The following EIF4G1 variants were observed in gnomAD, a reference collection of about 807,000 sequenced individuals.
EIF4G1 encodes EIF4-gamma.
EIF4G1 carries 4 observed loss-of-function variants against 187.8 expected under a neutral mutation model. The observed-to-expected ratio is 0.02, with a 90% CI of 0.01 to 0.05. The LOEUF (loss-of-function observed/expected upper bound fraction) is 0.05. EIF4G1 is among the 10% of genes least tolerant of loss of function. The pLI, the probability that EIF4G1 is intolerant of heterozygous loss-of-function variation, is 1.00. For missense variants in EIF4G1, 1,647 were observed against 2,081.1 expected, an observed-to-expected ratio of 0.79 and a Z score of 4.06; for synonymous variants, 844 against 781.4, an observed-to-expected ratio of 1.08 and a Z score of -1.34.
intron 6 of EIF4G1, among the ~76,000 whole-genome samples, chr3:184,319,467 TTGTGTGTGTG>T (rs756906987): frequency 8.9e-5 from 1 of 11,264 alleles, no homozygotes; most frequent in Non-Finnish European, 1.7e-4. Context: ...GTGTGTGTGT[TTGTGTGTGTG>T]TGTGTGTTAG....
At position 184,321,870 on chromosome 3, in the gene EIF4G1, C is replaced by G; in HGVS notation, c.1286C>G (p.Thr429Arg). ...SEPEEQAKEV[T>R]ASMAPPTIPS... ...CCAGAGGAGCAGGCCAAGGAGGTGACAGCATCAATGGCGCCCCCCACCATC... is the reference window on the plus strand; with the variant it reads ...CCAGAGGAGCAGGCCAAGGAGGTGAGAGCATCAATGGCGCCCCCCACCATC... The change falls in exon 10 of 33, where the codon ACA (threonine) becomes AGA (arginine). Residue 429 changes from threonine (T) to arginine (R), a missense_variant. By Grantham distance (71) the Thr-to-Arg change is moderately conservative (BLOSUM62 -1). Transcript: ENST00000346169. The G allele has an allele frequency of 6.2e-7, 1 of 1,614,092 alleles. No homozygotes were observed.
chr3:184,321,579 G>C lies in EIF4G1; in HGVS notation c.995G>C (p.Ser332Thr). Reference sequence around the variant, plus strand: ...ATACTGGAAGTAGAAGTGACACTTAGCAAACCGGTTCCAGAATCTGAGTTT... The same window carrying C: ...ATACTGGAAGTAGAAGTGACACTTACCAAACCGGTTCCAGAATCTGAGTTT... ...EPILEVEVTL[S>T]KPVPESEFSS... The change falls in exon 10 of 33, where the codon AGC (serine) becomes ACC (threonine). Residue 332 changes from serine (S) to threonine (T), a missense_variant. Around this residue, in one of 11 missense-constraint regions of EIF4G1, gnomAD observed 522 missense variants for 485.2 expected, o/e 1.08. Coordinates refer to ENST00000346169, the MANE Select transcript of EIF4G1 (RefSeq NM_198241.3). 6.2e-7 allele frequency: 1 copy of C among 1,614,142 alleles called. No homozygotes were observed.
At chr3:184,318,099 T>G (rs1488834112) in intron 6 of EIF4G1, among the ~76,000 whole-genome samples, 1 of 152,188 alleles carries the variant, frequency 6.6e-6, no homozygotes, top group Non-Finnish European at 1.5e-5. Context: ...GTGACACTTC[T>G]TCCATGGTTG....
Position 184,322,436 on chromosome 3 carries a change from G to C in EIF4G1, c.1594G>C (p.Asp532His), listed in dbSNP as rs1361781449. The change falls in exon 11 of 33, where the codon GAT (aspartate) becomes CAT (histidine). Residue 532 changes from aspartate (D) to histidine (H), a missense_variant. Transcript: ENST00000346169. ...NKKEAVGDLL[D>H]AFKEANPAVP... ...GAAGGAGGCTGTTGGAGACCTTCTG[G>C]ATGCCTTCAAGGAGGTAAGGGAGCA... 1.2e-6 allele frequency: 2 copies of C among 1,614,174 alleles called. No individual in the cohort carries two copies. The highest frequency in any genetic ancestry group is 1.1e-5 in the South Asian group (1 of 91,084).
intron 6 of EIF4G1, 126 bp downstream of exon 6, chr3:184,317,942 G>A (rs1360684500): frequency 1.2e-5 from 9 of 744,860 alleles, no homozygotes; most frequent in Non-Finnish European, 2.1e-5. Flanking sequence ...AAGGTTAATA[G>A]GTGGTAGGGA....
chr3:184,327,524 C>T (rs1250814705), intron 24 of EIF4G1, 62 bp from the exon 25 acceptor site: 1 of 1,612,190 alleles, frequency 6.2e-7, no homozygotes, highest in African/African-American at 1.3e-5. Context: ...TTTTTGAGAG[C>T]TCCAAATCTT....
chr3:184,322,006 T>A lies in EIF4G1; in HGVS notation c.1422T>A (p.Ala474=). 5.0e-6 allele frequency: 8 copies of A among 1,613,794 alleles called. No individual in the cohort carries two copies. The highest frequency in any genetic ancestry group is 1.1e-5 in the South Asian group (1 of 91,066). Residue 474 remains alanine (A), a synonymous_variant, in exon 10 of 33, where the codon GCT becomes GCA. Coordinates refer to ENST00000346169, the MANE Select transcript of EIF4G1 (RefSeq NM_198241.3). ...GAGAAGCAGGAGAAGCAGGAGAAGC[T>A]GAGAGTGAGAAAGGAGGAGAGGAAC... ...EEGEAGEAGE[A]ESEKGGEELL...
At chr3:184,321,235 G>A (rs778777206) in intron 9 of EIF4G1, 47 bp from the exon 10 acceptor site, 5 of 1,611,196 alleles carry the variant, frequency 3.1e-6, no homozygotes, top group Non-Finnish European at 4.2e-6. Context: ...AACAACAGCA[G>A]TTAAGCACTT....
At chr3:184,320,584 T>C (rs1683168994) in intron 7 of EIF4G1, 46 bp from the exon 8 acceptor site, 2 of 1,613,190 alleles carry the variant, frequency 1.2e-6, no homozygotes, top group African/African-American at 1.3e-5. Flanking sequence ...GGTGGAGAGG[T>C]GGGCTCTTCC....
In EIF4G1 at chr3:184,331,464, C is replaced by G. The variant is rs752616245; in HGVS notation, c.4261-8C>G. The stretch of plus-strand genomic sequence containing the variant: ...TTACCTCTTAACTGCGGGCCTTTTC[C>G]ATTGCAGAAGGTGGAGTATACCCTG... On this transcript the variant is annotated splice_polypyrimidine_tract_variant and splice_region_variant and intron_variant, in intron 29 of 32. Transcript: ENST00000346169. 6.2e-7 allele frequency: 1 copy of G among 1,614,190 alleles called. No homozygotes were observed. The highest frequency in any genetic ancestry group is 8.5e-7 in the Non-Finnish European group (1 of 1,180,038).
chr3:184,321,124 G>C (rs2108483286), intron 9 of EIF4G1, 131 bp downstream of exon 9: 1 of 1,487,086 alleles, frequency 6.7e-7, no homozygotes, highest in African/African-American at 1.4e-5. Context: ...GGATTTTGAG[G>C]GTGAATTGGG....
Position 184,325,778 on chromosome 3 carries a change from C to T in EIF4G1, c.3122-73C>T, listed in dbSNP as rs1372777771. The T allele has an allele frequency of 6.2e-7, 1 of 1,611,194 alleles. No homozygotes were observed. Among genetic ancestry groups the T allele is most frequent in the African/African-American group, 1.3e-5 (1 of 74,844 alleles). ...GAACTGAGGATCTGAGGAAGGGAGG[C>T]TGGGGGTGGCCCAAGGGGAAGGGGC... On this transcript the variant is annotated intron_variant, in intron 20 of 32. Coordinates refer to ENST00000346169, the MANE Select transcript of EIF4G1 (RefSeq NM_198241.3). The surrounding 1 kb of genome is among the most constrained non-coding windows in gnomAD (Gnocchi z 5.2).
At chr3:184,333,458 C>T (rs911928425) in intron 32 of EIF4G1, among the ~76,000 whole-genome samples, 2 of 152,110 alleles carry the variant, frequency 1.3e-5, no homozygotes, top group African/African-American at 4.8e-5. Flanking sequence ...GATACAGCCC[C>T]AAGGAGGTAG....
At chr3:184,315,321 G>A (rs1375077078) in intron 1 of EIF4G1, 168 bp from the exon 2 acceptor site, 1 of 502,732 alleles carries the variant, frequency 2.0e-6, no homozygotes, top group Non-Finnish European at 4.0e-6. Flanking sequence ...GTGCCCCTGG[G>A]CCAGGCCCGA....
intron 23 of EIF4G1, 46 bp from the exon 24 acceptor site, chr3:184,327,170 G>C: frequency 6.2e-7 from 1 of 1,607,582 alleles, no homozygotes; most frequent in African/African-American, 1.3e-5. Flanking sequence ...TTACATGAGT[G>C]CCTGGGCAGT....
At chr3:184,328,062 T>C in intron 26 of EIF4G1, 60 bp downstream of exon 26, 1 of 1,577,624 alleles carries the variant, frequency 6.3e-7, no homozygotes, top group Non-Finnish European at 8.6e-7. Flanking sequence ...TATCTCCTTT[T>C]TGGGACCCTT....
Position 184,326,571 on chromosome 3 carries a change from G to A in EIF4G1, c.3267G>A (p.Gly1089=). The A allele has an allele frequency of 6.2e-7, 1 of 1,613,478 alleles. No homozygotes were observed. The change falls in exon 22 of 33, where the codon GGG becomes GGA. Residue 1089 remains glycine (G), a synonymous_variant. Transcript: ENST00000346169. ...DSNNQLFAPG[G]RLSWGKGSSG... The stretch of plus-strand genomic sequence containing the variant: ...ACAACCAGCTCTTTGCACCTGGAGG[G>A]CGACTGAGCTGGGGCAAGGGCAGCA...
rs759922425 is a variant in EIF4G1, at chr3:184,331,314, A to G, written c.4210A>G (p.Lys1404Glu). The change falls in exon 29 of 33, where the codon AAG (lysine) becomes GAG (glutamate). Residue 1404 changes from lysine (K) to glutamate (E), a missense_variant. By Grantham distance (56) the Lys-to-Glu change is moderately conservative (BLOSUM62 1). Transcript: ENST00000346169. Reference sequence around the variant, plus strand: ...GTGGCGAGAAGCCGGGCTTAGCTGGAAGGAATTTCTACCTGAAGGCCAGGA... The same window carrying G: ...GTGGCGAGAAGCCGGGCTTAGCTGGGAGGAATTTCTACCTGAAGGCCAGGA... ...TLWREAGLSW[K>E]EFLPEGQDIG... 4 of 1,614,052 alleles carry G rather than the reference A, an allele frequency of 2.5e-6. No individual in the cohort carries two copies. The highest frequency in any genetic ancestry group is 2.7e-5 in the African/African-American group (2 of 74,904).
chr3:184,331,196 A>G, intron 28 of EIF4G1, 70 bp from the exon 29 acceptor site: 4 of 1,503,406 alleles, frequency 2.7e-6, no homozygotes, highest in Non-Finnish European at 3.7e-6. Flanking sequence ...TGTTGGATTA[A>G]TGTGGTAGAG....
Sources: allele counts gnomAD v4.1 joint callset (sites outside exome capture counted in the v4.1 genomes callset), GRCh38; gene constraint gnomAD v4.1.1; regional missense constraint gnomAD v4.1.1; non-coding constraint Gnocchi (gnomAD v3.1); transcripts MANE v1.5; gene names NCBI Gene and HGNC (gene_info 2026-07-23, HGNC 2026-07-21).